The following TMTC1 variants were observed in gnomAD, a reference collection of about 807,000 sequenced individuals.
TMTC1 encodes the protein transmembrane O-mannosyltransferase targeting cadherins 1.
Under a neutral mutation model 104.8 loss-of-function variants are expected in TMTC1, and 73 were observed. That is an observed-to-expected ratio of 0.70 (90% CI 0.58 to 0.85). The LOEUF is 0.85. Among genes scored for constraint, TMTC1 ranks in the 40% least tolerant of loss-of-function variants. The pLI, the probability that TMTC1 is intolerant of heterozygous loss-of-function variation, is 0.00. For synonymous variants in TMTC1, 434 were observed against 428.7 expected (o/e 1.01, Z -0.15); for missense variants, 1,035 against 1,096.1 (o/e 0.94, Z 0.79).
chr12:29,670,530 G>A (rs146208588), intron 5 of TMTC1, among the ~76,000 whole-genome samples: 2 of 152,078 alleles, frequency 1.3e-5, no homozygotes, highest in Non-Finnish European at 2.9e-5. Context: ...TACCTCTCAC[G>A]GCATTTCCAA....
At chr12:29,507,059 G>C (rs76436984) in intron 17 of TMTC1, 73 bp from the exon 18 acceptor site, 35 of 1,296,208 alleles carry the variant, frequency 2.7e-5, no homozygotes, top group Non-Finnish European at 3.3e-5. Flanking sequence ...AAGAGACTAA[G>C]AAACTGACCC....
chr12:29,539,273 G>A (rs1944728528), intron 10 of TMTC1, among the ~76,000 whole-genome samples: 1 of 151,958 alleles, frequency 6.6e-6, no homozygotes, highest in Admixed American at 6.6e-5. Context: ...TTTCATATCT[G>A]TATTATAGCA....
At chr12:29,756,199 A>C (rs1161004582) in intron 3 of TMTC1, among the ~76,000 whole-genome samples, 2 of 152,218 alleles carry the variant, frequency 1.3e-5, no homozygotes, top group African/African-American at 2.4e-5. Context: ...CGAGTTACTA[A>C]ACTATATGCA....
At chr12:29,577,843 A>T (rs1214459774) in intron 8 of TMTC1, among the ~76,000 whole-genome samples, 1 of 152,158 alleles carries the variant, frequency 6.6e-6, no homozygotes, top group African/African-American at 2.4e-5. Context: ...TTTTAATATA[A>T]TTTTTCAAAT....
intron 5 of TMTC1, among the ~76,000 whole-genome samples, chr12:29,660,365 C>G (rs1939960346): frequency 6.6e-6 from 1 of 152,106 alleles, no homozygotes; most frequent in Admixed American, 6.6e-5. Flanking sequence ...AACCTCAGCC[C>G]CAAATCATGA....
chr12:29,550,370 C>T (rs1433258926), intron 10 of TMTC1, among the ~76,000 whole-genome samples: 1 of 152,138 alleles, frequency 6.6e-6, no homozygotes, highest in Non-Finnish European at 1.5e-5. Flanking sequence ...TAACAGTGAT[C>T]AAGTGCAGGG....
intron 5 of TMTC1, among the ~76,000 whole-genome samples, chr12:29,696,063 T>C (rs1224471681): frequency 6.6e-6 from 1 of 152,048 alleles, no homozygotes; most frequent in African/African-American, 2.4e-5. Context: ...CCAAAGGAGA[T>C]ATATTTAAAT....
At chr12:29,531,226 T>G (rs536886203) in intron 11 of TMTC1, among the ~76,000 whole-genome samples, 1 of 152,280 alleles carries the variant, frequency 6.6e-6, no homozygotes, top group Non-Finnish European at 1.5e-5. Context: ...ATTCTTAAGT[T>G]AGGGTCTTCG....
At chr12:29,666,074 A>T (rs572837568) in intron 5 of TMTC1, among the ~76,000 whole-genome samples, 1 of 151,948 alleles carries the variant, frequency 6.6e-6, no homozygotes, top group South Asian at 2.1e-4. Context: ...ATTGCAACAG[A>T]CCCATCCTCA....
rs750650454 is a variant in TMTC1 at position 29,516,434 on chromosome 12, T to C, written c.2222A>G (p.Asn741Ser). The C allele has an allele frequency of 1.9e-5, 30 of 1,614,072 alleles. No homozygotes were observed. Among genetic ancestry groups the C allele is most frequent in the Non-Finnish European group, 2.5e-5 (29 of 1,179,964 alleles). ...GQTKEAEKMT[N>S]HIVSEETGCL... ...TCCGGTCTCCTCTGACACAATGTGA[T>C]TGGTCATCTTTTCAGCTTCTTTTGT... Residue 741 changes from asparagine to serine, a missense_variant, in exon 15 of 18, where the codon AAT (asparagine) becomes AGT (serine). Asn to Ser is a conservative substitution (Grantham distance 46). Transcript: ENST00000539277.
intron 14 of TMTC1, 121 bp downstream of exon 14, chr12:29,517,306 A>T: frequency 9.5e-7 from 1 of 1,053,998 alleles, no homozygotes; most frequent in South Asian, 1.8e-5. Flanking sequence ...AGCTGTATGA[A>T]TATTCATACA....
chr12:29,673,365 A>G (rs1475390395), intron 5 of TMTC1, among the ~76,000 whole-genome samples: 1 of 152,240 alleles, frequency 6.6e-6, no homozygotes, highest in African/African-American at 2.4e-5. Context: ...AACTGTCAGC[A>G]TGTCAATGTT....
intron 8 of TMTC1, among the ~76,000 whole-genome samples, chr12:29,578,951 G>A (rs1945900336): frequency 6.6e-6 from 1 of 152,286 alleles, no homozygotes; most frequent in African/African-American, 2.4e-5. Context: ...GCTGGGCTAA[G>A]CACCAGTTTC....
At chr12:29,564,531 T>C (rs184256155) in intron 9 of TMTC1, among the ~76,000 whole-genome samples, 306 of 152,276 alleles carry the variant, frequency 2.0e-3, no homozygotes, top group African/African-American at 6.9e-3. Flanking sequence ...CAAAGTCAAA[T>C]GCTGCTGAGA....
chr12:29,584,416 T>C (rs1851761613), intron 7 of TMTC1, among the ~76,000 whole-genome samples: 1 of 152,054 alleles, frequency 6.6e-6, no homozygotes, highest in Non-Finnish European at 1.5e-5. Flanking sequence ...TTATTTTTTC[T>C]TACTTCTTCT....
chr12:29,579,140 A>G (rs116607520), intron 8 of TMTC1, among the ~76,000 whole-genome samples: 1,703 of 152,324 alleles, frequency 0.011, 27 homozygotes, highest in African/African-American at 0.038. Flanking sequence ...GTCAGAATCA[A>G]TCCTGAAGTT....
intron 9 of TMTC1, among the ~76,000 whole-genome samples, chr12:29,564,755 G>C (rs1945462796): frequency 6.6e-6 from 1 of 152,192 alleles, no homozygotes; most frequent in African/African-American, 2.4e-5. Flanking sequence ...ATGAATGGCA[G>C]GAGGAGGAAA....
At chr12:29,664,403 G>A (rs1940193551) in intron 5 of TMTC1, among the ~76,000 whole-genome samples, 1 of 151,956 alleles carries the variant, frequency 6.6e-6, no homozygotes, top group East Asian at 1.9e-4. Flanking sequence ...GTAAACACTA[G>A]GTCAGAGGCT....
chr12:29,583,654 C>T, intron 7 of TMTC1, 80 bp from the exon 8 acceptor site: 2 of 1,322,844 alleles, frequency 1.5e-6, no homozygotes, highest in South Asian at 1.4e-5. Context: ...ACAAAACTAA[C>T]TTTCAAATGA....
Sources: gnomAD v4.1 joint callset for allele counts (sites outside exome capture counted in the v4.1 genomes callset) on GRCh38, gnomAD v4.1.1 for gene constraint, MANE v1.5 for transcripts, NCBI Gene and HGNC (gene_info 2026-07-23, HGNC 2026-07-21) for gene names.